The following PDZD2 variants were observed in gnomAD, a reference collection of about 807,000 sequenced individuals.
The protein encoded by PDZD2 is PDZ domain-containing protein 2.
Under a neutral mutation model 220.7 loss-of-function variants are expected in PDZD2, and 90 were observed. The observed-to-expected ratio is 0.41, with a 90% CI of 0.34 to 0.49. The LOEUF (loss-of-function observed/expected upper bound fraction) is 0.49. Among genes scored for constraint, PDZD2 ranks in the 20% least tolerant of loss-of-function variants. The pLI, the probability that PDZD2 is intolerant of heterozygous loss-of-function variation, is 0.28. For missense variants in PDZD2, 3,174 were observed against 3,608.5 expected (o/e 0.88, Z 3.08); for synonymous variants, 1,375 against 1,450.5 (o/e 0.95, Z 1.18).
At chr5:31,684,873 G>A (rs192658186) in intron 1 of PDZD2, among the ~76,000 whole-genome samples, 145 of 152,158 alleles carry the variant, frequency 9.5e-4, no homozygotes, top group Middle Eastern at 3.4e-3. Flanking sequence ...TGTCACCCCC[G>A]TTGCCCTTTA....
At chr5:31,989,416 C>CTTTT (rs1385913596) in intron 3 of PDZD2, among the ~76,000 whole-genome samples, 51 of 120,606 alleles carry the variant, frequency 4.2e-4, no homozygotes, top group East Asian at 2.6e-3. Flanking sequence ...ACCACATTTT[C>CTTTT]TTTTCTTTTT....
rs572815908 is a variant in PDZD2, at chr5:31,953,229, TTTATATA to T, written c.477-29924_477-29918del. On this transcript the variant is annotated intron_variant, in intron 2 of 24. Transcript: ENST00000438447. Reference sequence around the variant, plus strand: ...AATTGGCCCATATGGGACAGGAAATTTTATATATGGAGAGGAAGTATTTCAAAAGCAG... The same window carrying T: ...AATTGGCCCATATGGGACAGGAAATTTGGAGAGGAAGTATTTCAAAAGCAG... 6.2e-4 allele frequency among the ~76,000 whole-genome samples: 94 copies of T among 151,886 alleles called. No homozygotes were observed. In the East Asian group the frequency reaches 0.015, roughly 24 times the overall value.
intron 7 of PDZD2, 124 bp from the exon 8 acceptor site, chr5:32,048,415 A>G (rs981321945): frequency 4.1e-6 from 3 of 736,656 alleles, no homozygotes; most frequent in Non-Finnish European, 6.9e-6. Flanking sequence ...CTTTGAGTGT[A>G]TTGGACGCTA....
At chr5:32,056,438 T>C (rs1478571103) in intron 10 of PDZD2, among the ~76,000 whole-genome samples, 1 of 152,226 alleles carries the variant, frequency 6.6e-6, no homozygotes, top group African/African-American at 2.4e-5. Context: ...TCTACAGCAA[T>C]GCTGTGCAAA....
Position 32,000,413 on chromosome 5 carries a change from C to A in PDZD2, c.1254+142C>A. ...TGGGCTATTGAAACAGCCTTGCTTC[C>A]ACAGGGCAACGCTATATGGAGACCC... On this transcript the variant is annotated intron_variant, in intron 5 of 24. Coordinates refer to ENST00000438447, the MANE Select transcript of PDZD2 (RefSeq NM_178140.4). The surrounding 1 kb of genome is among the most constrained non-coding windows in gnomAD (Gnocchi z 4.5). The A allele has an allele frequency of 1.2e-6, 1 of 829,176 alleles. No homozygotes were observed. Among genetic ancestry groups the A allele is most frequent in the Non-Finnish European group, 2.0e-6 (1 of 489,734 alleles). 51.4% of individuals were successfully genotyped at this position (829,176 alleles called of 1,614,324 possible).
In PDZD2 at chr5:31,789,072, A is replaced by G. The variant is rs1753549025; in HGVS notation, c.-360-9817A>G. On this transcript the variant is annotated intron_variant, in intron 1 of 24. Transcript: ENST00000438447. ...ATATCTAATTAACAGGGCTTAGACA[A>G]GATAGGTGCCTGTTTTTCTCTCATG... Among the ~76,000 whole-genome samples the G allele has an allele frequency of 2.0e-5, 3 of 152,342 alleles. No individual in the cohort carries two copies. The South Asian group carries it at 6.2e-4, about 32-fold the overall frequency.
chr5:31,896,837 G>T (rs1741615626), intron 2 of PDZD2, among the ~76,000 whole-genome samples: 1 of 152,166 alleles, frequency 6.6e-6, no homozygotes, highest in South Asian at 2.1e-4. Flanking sequence ...TGCACCTGTG[G>T]TTCCAGCTAC....
At chr5:32,019,850 G>C (rs560082366) in intron 6 of PDZD2, among the ~76,000 whole-genome samples, 86 of 152,152 alleles carry the variant, frequency 5.7e-4, no homozygotes, top group African/African-American at 2.0e-3. Flanking sequence ...GTCATGTAAT[G>C]ACTTTCTCAC....
chr5:31,797,463 C>T (rs1392073527), intron 1 of PDZD2, among the ~76,000 whole-genome samples: 3 of 151,610 alleles, frequency 2.0e-5, no homozygotes, highest in Admixed American at 6.6e-5. Flanking sequence ...GGATTACACA[C>T]GCCTGGGATT....
At chr5:31,890,220 G>T (rs1315526556) in intron 2 of PDZD2, among the ~76,000 whole-genome samples, 1 of 148,536 alleles carries the variant, frequency 6.7e-6, no homozygotes, top group African/African-American at 2.5e-5. Flanking sequence ...GGCGATGGCG[G>T]TGTTCTTTCT....
At chr5:31,822,963 G>A (rs1277000734) in intron 2 of PDZD2, 3 of 1,113,282 alleles carry the variant, frequency 2.7e-6, no homozygotes, top group East Asian at 3.4e-5. Flanking sequence ...CCCACCATTT[G>A]TCAACCCGGG....
intron 14 of PDZD2, among the ~76,000 whole-genome samples, chr5:32,067,920 C>T (rs12109819): frequency 0.4 from 60,056 of 151,864 alleles, 12,770 homozygotes; most frequent in African/African-American, 0.58. Context: ...TCAATGATGC[C>T]AAAACCATGG....
intron 1 of PDZD2, among the ~76,000 whole-genome samples, chr5:31,768,679 T>A (rs1752170123): frequency 6.6e-6 from 1 of 151,142 alleles, no homozygotes; most frequent in Non-Finnish European, 1.5e-5. Flanking sequence ...AGATCAGGAC[T>A]TCAGCAGTGA....
rs914509730 is a variant in PDZD2, at chr5:31,988,447, G to GT, written c.978+4791_978+4792insT. On this transcript the variant is annotated intron_variant, in intron 3 of 24. Coordinates refer to ENST00000438447, the MANE Select transcript of PDZD2 (RefSeq NM_178140.4). ...GTCCTTGTGGAGATGGGGGTGGGGGGGGTGCATCACCCTCCTGGCATGTGG... is the reference window on the plus strand; with the variant it reads ...GTCCTTGTGGAGATGGGGGTGGGGGGTGGTGCATCACCCTCCTGGCATGTGG... 2.3e-4 allele frequency among the ~76,000 whole-genome samples: 34 copies of GT among 147,508 alleles called. 1 individual carries two copies. Among genetic ancestry groups the GT allele is most frequent in the Admixed American group, 1.3e-4 (2 of 14,828 alleles).
At chr5:31,973,100 G>A (rs1198340516) in intron 2 of PDZD2, among the ~76,000 whole-genome samples, 3 of 152,172 alleles carry the variant, frequency 2.0e-5, no homozygotes, top group Non-Finnish European at 2.9e-5. Flanking sequence ...TTTCCAACAG[G>A]TGTATGGGTG....
intron 2 of PDZD2, among the ~76,000 whole-genome samples, chr5:31,914,665 T>C (rs1450905028): frequency 6.6e-6 from 1 of 152,242 alleles, no homozygotes. Flanking sequence ...GAAAGGGTAC[T>C]CCAATGAAAT....
intron 2 of PDZD2, among the ~76,000 whole-genome samples, chr5:31,849,881 T>TC (rs1757822996): frequency 2.2e-5 from 1 of 46,144 alleles, no homozygotes; most frequent in Non-Finnish European, 3.5e-5. Flanking sequence ...CATATATATA[T>TC]ATATATACAC....
In PDZD2 at chr5:32,093,478, G is replaced by A. The variant is rs1029518466; in HGVS notation, c.7845+454G>A. Among the ~76,000 whole-genome samples, 7 of 152,290 alleles carry A rather than the reference G, an allele frequency of 4.6e-5. No individual in the cohort carries two copies. The East Asian group carries it at 1.3e-3, about 29-fold the overall frequency. On this transcript the variant is annotated intron_variant, in intron 21 of 24. Coordinates refer to ENST00000438447, the MANE Select transcript of PDZD2 (RefSeq NM_178140.4). ...AATATGGTGGACCCCTGAACAACAT[G>A]AGGGTTGGGGCACTGACCTTCGAGC... is the stretch of plus-strand genomic sequence containing the variant.
chr5:31,715,740 A>G (rs1250600781), intron 1 of PDZD2, among the ~76,000 whole-genome samples: 3 of 152,372 alleles, frequency 2.0e-5, no homozygotes, highest in African/African-American at 7.2e-5. Flanking sequence ...ATTTGTTGAT[A>G]CCAGCCACTG....
Sources: gnomAD v4.1 joint callset for allele counts (sites outside exome capture counted in the v4.1 genomes callset) on GRCh38, gnomAD v4.1.1 for gene constraint, Gnocchi (gnomAD v3.1) non-coding constraint, MANE v1.5 for transcripts, NCBI Gene and HGNC (gene_info 2026-07-23, HGNC 2026-07-21) for gene names.